TMEM63C: variants seen among roughly 807,000 people sequenced by gnomAD.
TMEM63C encodes the protein transmembrane protein 63C.
Under a neutral mutation model 99.2 loss-of-function variants are expected in TMEM63C, and 32 were observed. That is an observed-to-expected ratio of 0.32 (90% CI 0.24 to 0.43). The LOEUF (loss-of-function observed/expected upper bound fraction) is 0.43. Among genes scored for constraint, TMEM63C ranks in the 20% least tolerant of loss-of-function variants. The pLI, the probability that TMEM63C is intolerant of heterozygous loss-of-function variation, is 1.00. For synonymous variants in TMEM63C, 376 were observed against 397.9 expected (o/e 0.94, Z 0.66); for missense variants, 826 against 1,053.0 (o/e 0.78, Z 2.98).
At chr14:77,225,585 C>T in intron 6 of TMEM63C, 124 bp downstream of exon 6, 1 of 920,550 alleles carries the variant, frequency 1.1e-6, no homozygotes, top group Non-Finnish European at 1.6e-6. Context: ...TCCTCCCCGC[C>T]ACCTCGGCCC....
chr14:77,257,207 C>T lies in TMEM63C; in HGVS notation c.*481C>T, dbSNP rs555702230. The T allele has an allele frequency of 3.8e-4, 62 of 161,042 alleles. 1 individual carries two copies. In the South Asian group the frequency reaches 0.011, roughly 28 times the overall value. 10.0% of individuals were successfully genotyped at this position (161,042 alleles called of 1,614,324 possible). The stretch of plus-strand genomic sequence containing the variant: ...GTCTGAGGAGGCAAAGGTATGTGCA[C>T]GGGGCACATTGACAGGACACGGAGG... On this transcript the variant is annotated 3_prime_UTR_variant, in exon 24 of 24. Transcript: ENST00000298351.
intron 1 of TMEM63C, among the ~76,000 whole-genome samples, chr14:77,203,082 A>G (rs1001652536): frequency 1.3e-5 from 2 of 152,216 alleles, no homozygotes; most frequent in Non-Finnish European, 2.9e-5. Flanking sequence ...ACAAAATTCA[A>G]AAAGCAATAA....
intron 1 of TMEM63C, among the ~76,000 whole-genome samples, chr14:77,187,137 T>C (rs1216988616): frequency 6.6e-6 from 1 of 152,068 alleles, no homozygotes; most frequent in African/African-American, 2.4e-5. Flanking sequence ...TTGTGACAGC[T>C]GCAACCACAC....
chr14:77,226,125 C>T (rs1025478329), intron 6 of TMEM63C, among the ~76,000 whole-genome samples: 4 of 152,228 alleles, frequency 2.6e-5, no homozygotes, highest in African/African-American at 7.2e-5. Flanking sequence ...TACATACACG[C>T]ACACACACGT....
Position 77,188,025 on chromosome 14 carries a change from C to T in TMEM63C, c.-77+6131C>T, listed in dbSNP as rs139183580. ...TTTTCTGCCCCATCTCACCCCAGCT[C>T]GGCTAAGAACCATTGCTCTGGCAAA... On this transcript the variant is annotated intron_variant, in intron 1 of 23. Transcript: ENST00000298351. Among the ~76,000 whole-genome samples, 6 of 152,298 alleles carry T rather than the reference C, an allele frequency of 3.9e-5. No homozygotes were observed. The East Asian group carries it at 7.7e-4, about 20-fold the overall frequency.
chr14:77,222,869 C>T (rs1398256910), intron 5 of TMEM63C, among the ~76,000 whole-genome samples: 1 of 152,202 alleles, frequency 6.6e-6, no homozygotes, highest in Non-Finnish European at 1.5e-5. Context: ...CTGTCTGTAA[C>T]GATCCCTCAT....
chr14:77,237,457 A>C (rs1291938986), intron 9 of TMEM63C, among the ~76,000 whole-genome samples: 2 of 152,136 alleles, frequency 1.3e-5, no homozygotes, highest in Non-Finnish European at 2.9e-5. Flanking sequence ...TGAGGATGCA[A>C]AGGCAACCAA....
intron 2 of TMEM63C, among the ~76,000 whole-genome samples, chr14:77,214,691 T>C (rs140316526): frequency 6.6e-6 from 1 of 152,028 alleles, no homozygotes; most frequent in East Asian, 1.9e-4. Context: ...GTTTTTTTCC[T>C]GTCTTCATTC....
chr14:77,239,405 G>A lies in TMEM63C; in HGVS notation c.726-7G>A. On this transcript the variant is annotated splice_region_variant and splice_polypyrimidine_tract_variant and intron_variant, in intron 10 of 23. Transcript: ENST00000298351. The stretch of plus-strand genomic sequence containing the variant: ...GGCCGACTCAGCACCCATGTTTGTG[G>A]CTGCAGCGAGGCCTATCCAGGCAGT... The A allele has an allele frequency of 6.2e-7, 1 of 1,613,472 alleles. No individual in the cohort carries two copies. The highest frequency in any genetic ancestry group is 8.5e-7 in the Non-Finnish European group (1 of 1,179,790).
intron 18 of TMEM63C, among the ~76,000 whole-genome samples, chr14:77,247,439 G>C (rs772927722): frequency 6.6e-6 from 1 of 152,060 alleles, no homozygotes; most frequent in Non-Finnish European, 1.5e-5. Flanking sequence ...GGCCTCAAGT[G>C]ATCTGCCCAC....
At chr14:77,225,871 C>T (rs570967487) in intron 6 of TMEM63C, among the ~76,000 whole-genome samples, 8 of 152,186 alleles carry the variant, frequency 5.3e-5, no homozygotes, top group South Asian at 4.1e-4. Context: ...GGGCAGGCCT[C>T]GCTCGGCCTC....
chr14:77,186,776 G>GGTGTATGTGTGT, intron 1 of TMEM63C, among the ~76,000 whole-genome samples: 2 of 138,552 alleles, frequency 1.4e-5, no homozygotes, highest in East Asian at 4.1e-4. Context: ...GAACCAAAGG[G>GGTGTATGTGTGT]GTGTGTGTGT....
intron 21 of TMEM63C, among the ~76,000 whole-genome samples, chr14:77,251,297 TA>T (rs1235594746): frequency 1.3e-5 from 2 of 152,252 alleles, no homozygotes; most frequent in Non-Finnish European, 2.9e-5. Flanking sequence ...TTTACCTAGT[TA>T]GAAAACTGCT....
At chr14:77,212,576 G>A (rs1888511307) in intron 1 of TMEM63C, among the ~76,000 whole-genome samples, 1 of 152,216 alleles carries the variant, frequency 6.6e-6, no homozygotes, top group Admixed American at 6.5e-5. Context: ...TCACACCCAA[G>A]AGCTAGCTCT....
At chr14:77,202,138 G>A (rs966266278) in intron 1 of TMEM63C, among the ~76,000 whole-genome samples, 1 of 152,194 alleles carries the variant, frequency 6.6e-6, no homozygotes, top group Non-Finnish European at 1.5e-5. Context: ...ATTCACACAA[G>A]CGCCAAAACA....
At chr14:77,239,347 AG>A in intron 10 of TMEM63C, 64 bp from the exon 11 acceptor site, 1 of 1,543,830 alleles carries the variant, frequency 6.5e-7, no homozygotes, top group Non-Finnish European at 8.9e-7. Flanking sequence ...CATGCTGGGC[AG>A]GGGGTAGGGG....
In TMEM63C at chr14:77,236,505, C is replaced by T. The variant is rs977455552; in HGVS notation, c.543-119C>T. On this transcript the variant is annotated intron_variant, in intron 8 of 23. Coordinates refer to ENST00000298351, the MANE Select transcript of TMEM63C (RefSeq NM_020431.4). ...GGATGGTTGTGGGGGTCTGAGGAGA[C>T]TGTGATGGGCTGGGGGGCCCCAGGA... The T allele has an allele frequency of 3.4e-5, 23 of 666,974 alleles. No homozygotes were observed. In the African/African-American group the frequency reaches 4.4e-4, roughly 13 times the overall value. 41.3% of individuals were successfully genotyped at this position (666,974 alleles called of 1,614,324 possible). A position where few individuals can be genotyped will look rare whatever the true frequency, so the allele number is the denominator to read the frequency against.
chr14:77,212,305 C>A (rs1460687880), intron 1 of TMEM63C: 1 of 152,282 alleles, frequency 6.6e-6, no homozygotes, highest in East Asian at 1.9e-4. Flanking sequence ...GGTCACACAG[C>A]TAGCAAAGGT....
At chr14:77,214,670 C>A (rs1039413072) in intron 2 of TMEM63C, among the ~76,000 whole-genome samples, 1 of 152,002 alleles carries the variant, frequency 6.6e-6, no homozygotes, top group African/African-American at 2.4e-5. Context: ...TCCCCCCTCA[C>A]TGTCTCCCCA....
Sources: allele counts gnomAD v4.1 joint callset (sites outside exome capture counted in the v4.1 genomes callset), GRCh38; gene constraint gnomAD v4.1.1; transcripts MANE v1.5; gene names NCBI Gene and HGNC (gene_info 2026-07-23, HGNC 2026-07-21).